ZNF362: variants seen among roughly 807,000 people sequenced by gnomAD.
ZNF362 encodes zinc finger protein 362, also known as rotund homolog.
In ZNF362, 11 loss-of-function variants were observed where a neutral mutation model predicts 42.9. That is an observed-to-expected ratio of 0.26 (90% confidence interval 0.16 to 0.42). The LOEUF (loss-of-function observed/expected upper bound fraction) is 0.42, where lower values mean the gene tolerates loss of function less well. Ranked by LOEUF, ZNF362 falls within the 20% of genes least tolerant of loss-of-function variation. The pLI, the probability that ZNF362 is intolerant of heterozygous loss-of-function variation, is 1.00. For synonymous variants in ZNF362, 255 were observed against 257.3 expected, an observed-to-expected ratio of 0.99 and a Z score of 0.09; for missense variants, 362 against 576.2, an observed-to-expected ratio of 0.63 and a Z score of 3.81.
chr1:33,165,393 CT>C, the ZNF362 span: 1 of 1,355,430 alleles, frequency 7.4e-7, no homozygotes, highest in Non-Finnish European at 1.0e-6. The surrounding 1 kb of genome is among the most constrained non-coding windows in gnomAD (Gnocchi z 4.0). Flanking sequence ...CCCCGCCCCT[CT>C]TCCCCAGCTG....
chr1:33,139,945 G>A, the ZNF362 span, among the ~76,000 whole-genome samples: 4 of 152,124 alleles, frequency 2.6e-5, no homozygotes, highest in Non-Finnish European at 2.9e-5. Flanking sequence ...CTACTCTTCC[G>A]GGAGTGGTTC....
chr1:33,250,502 T>G, the ZNF362 span, among the ~76,000 whole-genome samples: 2 of 152,096 alleles, frequency 1.3e-5, no homozygotes, highest in African/African-American at 2.4e-5. Flanking sequence ...AACCAAACAC[T>G]GAATGTTCTC....
chr1:33,194,659 T>G, the ZNF362 span: 1 of 152,078 alleles, frequency 6.6e-6, no homozygotes. Context: ...ATCAATTTTC[T>G]CATCTATAAA....
chr1:33,148,283 CT>C, the ZNF362 span, among the ~76,000 whole-genome samples: 3 of 152,164 alleles, frequency 2.0e-5, no homozygotes, highest in South Asian at 6.2e-4. Context: ...GATGAAAAAT[CT>C]TTTTTATAAG....
chr1:33,131,910 T>G, the ZNF362 span, among the ~76,000 whole-genome samples: 1,682 of 152,192 alleles, frequency 0.011, 23 homozygotes, highest in African/African-American at 0.038. Flanking sequence ...AACAGAAACC[T>G]TGAGGGGAAA....
At chr1:33,270,394 C>T (rs766649416) in intron 1 of ZNF362, 93 bp from the exon 2 acceptor site, 12 of 569,490 alleles carry the variant, frequency 2.1e-5, no homozygotes, top group African/African-American at 7.6e-5. Flanking sequence ...TGAATCATGA[C>T]ATATTCAACA....
At chr1:33,292,579 C>T (rs1485990696) in intron 6 of ZNF362, among the ~76,000 whole-genome samples, 1 of 152,158 alleles carries the variant, frequency 6.6e-6, no homozygotes, top group Non-Finnish European at 1.5e-5. Flanking sequence ...TGATGCTGGC[C>T]TCATAAAATG....
the ZNF362 span, among the ~76,000 whole-genome samples, chr1:33,242,061 C>T: frequency 6.6e-6 from 1 of 152,184 alleles, no homozygotes; most frequent in Non-Finnish European, 1.5e-5. Context: ...GAACAAATTC[C>T]GGGAAAGGCG....
At chr1:33,250,357 C>T in the ZNF362 span, among the ~76,000 whole-genome samples, 18 of 152,170 alleles carry the variant, frequency 1.2e-4, 1 homozygote, top group East Asian at 2.9e-3. Flanking sequence ...TAATGATAGA[C>T]GGGATAATGA....
chr1:33,221,750 G>C, the ZNF362 span, among the ~76,000 whole-genome samples: 1 of 152,126 alleles, frequency 6.6e-6, no homozygotes, highest in Non-Finnish European at 1.5e-5. Context: ...GTAAGAACTG[G>C]TCCTTAACTT....
chr1:33,158,014 C>T, the ZNF362 span, among the ~76,000 whole-genome samples: 1 of 152,184 alleles, frequency 6.6e-6, no homozygotes, highest in African/African-American at 2.4e-5. Context: ...CTCAGCCTCC[C>T]AAAGTGCTGG....
chr1:33,162,536 C>T, the ZNF362 span, among the ~76,000 whole-genome samples: 4 of 152,336 alleles, frequency 2.6e-5, no homozygotes, highest in Middle Eastern at 3.4e-3. Flanking sequence ...CTGTGCCCAT[C>T]CCAGAGCCTG....
the ZNF362 span, among the ~76,000 whole-genome samples, chr1:33,216,599 C>CA: frequency 2.2e-3 from 160 of 71,838 alleles, 4 homozygotes; most frequent in Middle Eastern, 0.013. Context: ...GACTCTGTCT[C>CA]AAAAAAAAAA....
At chr1:33,197,627 G>T in the ZNF362 span, among the ~76,000 whole-genome samples, 2 of 152,174 alleles carry the variant, frequency 1.3e-5, no homozygotes, top group African/African-American at 4.8e-5. Flanking sequence ...CAACCTTACT[G>T]CCTAGAAAGA....
the ZNF362 span, among the ~76,000 whole-genome samples, chr1:33,202,685 A>G: frequency 6.6e-5 from 10 of 152,084 alleles, no homozygotes; most frequent in Non-Finnish European, 1.3e-4. Flanking sequence ...ATCAATCACT[A>G]TAATTTATCA....
the ZNF362 span, among the ~76,000 whole-genome samples, chr1:33,251,173 G>A: frequency 6.6e-6 from 1 of 152,234 alleles, no homozygotes; most frequent in Non-Finnish European, 1.5e-5. Context: ...CTGAGGGCTA[G>A]ATGTCCCAGA....
intron 2 of ZNF362, 29 bp downstream of exon 2, chr1:33,270,641 T>C (rs757456336): frequency 1.9e-6 from 3 of 1,609,482 alleles, no homozygotes; most frequent in Non-Finnish European, 2.5e-6. Flanking sequence ...CAGGTTGCAC[T>C]CTGTCAATGA....
At chr1:33,205,902 C>A in the ZNF362 span, among the ~76,000 whole-genome samples, 1 of 151,356 alleles carries the variant, frequency 6.6e-6, no homozygotes, top group Non-Finnish European at 1.5e-5. Flanking sequence ...GGCGACAGAG[C>A]AAGACTCTGT....
chr1:33,172,030 C>T, the ZNF362 span, among the ~76,000 whole-genome samples: 2 of 152,136 alleles, frequency 1.3e-5, no homozygotes, highest in African/African-American at 4.8e-5. Flanking sequence ...GATCTGCCTA[C>T]CTTGGCCTCC....
Sources: gnomAD v4.1 joint callset for allele counts (sites outside exome capture counted in the v4.1 genomes callset) on GRCh38, gnomAD v4.1.1 for gene constraint, Gnocchi (gnomAD v3.1) non-coding constraint, MANE v1.5 for transcripts, NCBI Gene and HGNC (gene_info 2026-07-23, HGNC 2026-07-21) for gene names.